Variants in LATS1 observed in about 807,000 individuals in gnomAD.
LATS1 encodes the protein large tumor suppressor kinase 1.
Under a neutral mutation model 106.6 loss-of-function variants are expected in LATS1, and 25 were observed. That is an observed-to-expected ratio of 0.23 (90% confidence interval 0.17 to 0.33). The LOEUF (loss-of-function observed/expected upper bound fraction) is 0.33, where lower values mean the gene tolerates loss of function less well. Ranked by LOEUF, LATS1 falls within the 10% of genes least tolerant of loss-of-function variation. The pLI, the probability that LATS1 is intolerant of heterozygous loss-of-function variation, is 1.00. For missense variants in LATS1, 1,040 were observed against 1,382.6 expected (o/e 0.75, Z 3.93); for synonymous variants, 465 against 455.6 (o/e 1.02, Z -0.26).
In LATS1 at chr6:149,680,270, G is replaced by A. The variant is rs1265701062; in HGVS notation, c.2198C>T (p.Thr733Ile). The change falls in exon 5 of 8, where the codon ACA (threonine) becomes ATA (isoleucine). Residue 733 changes from threonine to isoleucine, a missense_variant. By Grantham distance (89) the Thr-to-Ile change is moderately conservative (BLOSUM62 -1). Around this residue, in one of 7 missense-constraint regions of LATS1, gnomAD observed 167 missense variants for 332.1 expected, o/e 0.50. Transcript: ENST00000543571. ...AACATCTTTCTTTCGAAGAGTTTTT[G>A]TTGCATACAAAGCCTTAGTATCTAC... is the stretch of plus-strand genomic sequence containing the variant. ...RKVDTKALYATKTLRKKDVLL... is the reference protein window; with the variant it reads ...RKVDTKALYAIKTLRKKDVLL... 19 of 1,613,798 alleles carry A rather than the reference G, an allele frequency of 1.2e-5. No homozygotes were observed. The highest frequency in any genetic ancestry group is 6.7e-5 in the African/African-American group (5 of 74,914).
chr6:149,687,838 G>T (rs1782485534), intron 3 of LATS1, among the ~76,000 whole-genome samples: 1 of 151,258 alleles, frequency 6.6e-6, no homozygotes, highest in South Asian at 2.1e-4. Context: ...AAAGTGCTGG[G>T]ATTACAGGCG....
At chr6:149,689,132 C>A (rs1034011715) in intron 3 of LATS1, among the ~76,000 whole-genome samples, 34 of 151,762 alleles carry the variant, frequency 2.2e-4, no homozygotes, top group African/African-American at 4.8e-5. Flanking sequence ...AGCGCCACTG[C>A]ACTCCAGTCT....
rs1784526274 is a variant in LATS1 at position 149,718,083 on chromosome 6, G to A, written c.-375C>T. 2 of 295,304 alleles carry A rather than the reference G, an allele frequency of 6.8e-6. No homozygotes were observed. Among genetic ancestry groups the A allele is most frequent in the African/African-American group, 2.4e-5 (1 of 42,260 alleles). 18.3% of individuals were successfully genotyped at this position (295,304 alleles called of 1,614,324 possible). A position where few individuals can be genotyped will look rare whatever the true frequency, so the allele number is the denominator to read the frequency against. On this transcript the variant is annotated 5_prime_UTR_variant, in exon 1 of 8. Transcript: ENST00000543571. ...GCCATTTTGCCTTCCACTCAGTGTC[G>A]CCGCCGCCGCACTCCGCTGCAGGTT...
chr6:149,711,475 C>T (rs1423650264), intron 1 of LATS1, among the ~76,000 whole-genome samples: 1 of 152,020 alleles, frequency 6.6e-6, no homozygotes, highest in Non-Finnish European at 1.5e-5. Flanking sequence ...ACCTGGGAGG[C>T]GGAGGTTGCA....
chr6:149,697,996 T>C lies in LATS1; in HGVS notation c.349-2775A>G, dbSNP rs571290482. Reference sequence around the variant, plus strand: ...CTCAAGTGATCTACCCACCTTGGCCTCCTGAAGTGCTGGCATTACCGGTGT... The same window carrying C: ...CTCAAGTGATCTACCCACCTTGGCCCCCTGAAGTGCTGGCATTACCGGTGT... On this transcript the variant is annotated intron_variant, in intron 2 of 7. Coordinates refer to ENST00000543571, the MANE Select transcript of LATS1 (RefSeq NM_004690.4). Among the ~76,000 whole-genome samples, 5 of 152,354 alleles carry C rather than the reference T, an allele frequency of 3.3e-5. No homozygotes were observed. In the East Asian group the frequency reaches 7.7e-4, roughly 23 times the overall value.
chr6:149,689,095 G>C (rs1221973709), intron 3 of LATS1, among the ~76,000 whole-genome samples: 1 of 152,106 alleles, frequency 6.6e-6, no homozygotes, highest in Non-Finnish European at 1.5e-5. Context: ...TGGAACTCAG[G>C]GGGCGGAGGT....
At chr6:149,706,665 C>T (rs1247907042) in intron 1 of LATS1, among the ~76,000 whole-genome samples, 2 of 152,180 alleles carry the variant, frequency 1.3e-5, no homozygotes, top group African/African-American at 4.8e-5. Flanking sequence ...TACAAGTGTC[C>T]TTTTGAGAGG....
At position 149,683,788 on chromosome 6, in the gene LATS1, G is replaced by A. The variant is rs553722853; in HGVS notation, c.1301C>T (p.Pro434Leu). 1.9e-6 allele frequency: 3 copies of A among 1,613,726 alleles called. No homozygotes were observed. The highest frequency in any genetic ancestry group is 3.3e-5 in the Admixed American group (2 of 60,008). The change falls in exon 4 of 8, where the codon CCT (proline) becomes CTT (leucine). Residue 434 changes from proline (P) to leucine (L), a missense_variant. Physicochemically the swap from Pro to Leu is moderately conservative, Grantham distance 98. Transcript: ENST00000543571. ...CTGGGCTGGAGCAGAAGATGACTGAGGCCAATTTGTTTGCAGTCCAGGTAC... is the reference window on the plus strand; with the variant it reads ...CTGGGCTGGAGCAGAAGATGACTGAAGCCAATTTGTTTGCAGTCCAGGTAC... ...ISVPGLQTNW[P>L]QSSSAPAQSS...
intron 2 of LATS1, among the ~76,000 whole-genome samples, chr6:149,696,421 G>A (rs537980522): frequency 6.7e-5 from 10 of 150,164 alleles, no homozygotes; most frequent in South Asian, 2.1e-4. Context: ...ATATAAAATT[G>A]TCTGGGTGTA....
intron 5 of LATS1, among the ~76,000 whole-genome samples, chr6:149,677,228 A>T (rs1781769945): frequency 6.6e-6 from 1 of 152,270 alleles, no homozygotes. Flanking sequence ...GTGACTGGAT[A>T]GCTACATAAG....
intron 2 of LATS1, among the ~76,000 whole-genome samples, chr6:149,699,206 A>G (rs1288261438): frequency 6.6e-6 from 1 of 152,210 alleles, no homozygotes; most frequent in Non-Finnish European, 1.5e-5. Flanking sequence ...AAACTCTACA[A>G]TATAATAGGA....
chr6:149,662,713 G>A (rs1251970184), intron 7 of LATS1, among the ~76,000 whole-genome samples: 1 of 152,044 alleles, frequency 6.6e-6, no homozygotes, highest in East Asian at 1.9e-4. Flanking sequence ...TGTAATCCCA[G>A]CACCCTGGGA....
chr6:149,679,767 C>T (rs1016029217), intron 5 of LATS1, 108 bp downstream of exon 5: 6 of 794,026 alleles, frequency 7.6e-6, no homozygotes, highest in Non-Finnish European at 1.2e-5. Flanking sequence ...CAAGACCTGA[C>T]CCACATCTTC....
At chr6:149,675,800 A>C (rs1050114494) in intron 7 of LATS1, 1 of 153,292 alleles carries the variant, frequency 6.5e-6, no homozygotes, top group Non-Finnish European at 1.4e-5. Flanking sequence ...CAGGTGATCC[A>C]CCCGCCTACA....
In LATS1 at chr6:149,684,339, A is replaced by C; in HGVS notation, c.750T>G (p.Pro250=). 6.2e-7 allele frequency: 1 copy of C among 1,613,666 alleles called. No homozygotes were observed. Among genetic ancestry groups the C allele is most frequent in the South Asian group, 1.1e-5 (1 of 91,042 alleles). ...TTGGAGGGGGAGTCTGGCCTCTTGG[A>C]GGTGGTGGAGGAGTAACACTCCTTA... ...PQVRSVTPPP[P]PRGQTPPPRG... Residue 250 remains proline, a synonymous_variant, in exon 4 of 8, where the codon CCT becomes CCG. Coordinates refer to ENST00000543571, the MANE Select transcript of LATS1 (RefSeq NM_004690.4).
intron 5 of LATS1, among the ~76,000 whole-genome samples, chr6:149,677,185 C>A (rs774466550): frequency 6.6e-6 from 1 of 152,188 alleles, no homozygotes; most frequent in Non-Finnish European, 1.5e-5. Context: ...ACATACCCTA[C>A]ACAGAGAATC....
chr6:149,673,728 C>A (rs1457430318), intron 7 of LATS1, among the ~76,000 whole-genome samples: 1 of 150,342 alleles, frequency 6.7e-6, no homozygotes, highest in South Asian at 2.1e-4. Context: ...GGCTGGAGTG[C>A]AATGGCGCGA....
rs559292516 is a variant in LATS1, at chr6:149,699,164, T to C, written c.348+2615A>G. ...ATGAAGTGAAAACTAGATAATAATT[T>C]TGAAATACCAAGTTAGGATCTTGAA... is the stretch of plus-strand genomic sequence containing the variant. On this transcript the variant is annotated intron_variant, in intron 2 of 7. Coordinates refer to ENST00000543571, the MANE Select transcript of LATS1 (RefSeq NM_004690.4). 1.6e-4 allele frequency among the ~76,000 whole-genome samples: 24 copies of C among 152,208 alleles called. 2 individuals carry two copies. In the South Asian group the frequency reaches 4.1e-3, roughly 26 times the overall value.
intron 1 of LATS1, among the ~76,000 whole-genome samples, chr6:149,711,343 G>A (rs1175487080): frequency 6.6e-6 from 1 of 152,050 alleles, no homozygotes; most frequent in Non-Finnish European, 1.5e-5. Context: ...AGGAGTTTGA[G>A]ACCAGCCTGG....
Sources: allele counts gnomAD v4.1 joint callset (sites outside exome capture counted in the v4.1 genomes callset), GRCh38; gene constraint gnomAD v4.1.1; regional missense constraint gnomAD v4.1.1; transcripts MANE v1.5; gene names NCBI Gene and HGNC (gene_info 2026-07-23, HGNC 2026-07-21).